Variants in SERPINA9 observed in about 807,000 individuals in gnomAD.
The protein encoded by SERPINA9 is serpin A9.
In SERPINA9, 32 loss-of-function variants were observed where a neutral mutation model predicts 24.5. The observed-to-expected ratio is 1.30, with a 90% CI of 0.98 to 1.75. The LOEUF (loss-of-function observed/expected upper bound fraction) is 1.75, where lower values mean the gene tolerates loss of function less well. Among genes scored for constraint, SERPINA9 ranks in the 40% most tolerant of loss-of-function variants. SERPINA9 has a pLI of 0.00. For missense variants in SERPINA9, 594 were observed against 497.1 expected (o/e 1.19, Z -1.85); for synonymous variants, 233 against 197.7 (o/e 1.18, Z -1.50).
intron 1 of SERPINA9, 49 bp downstream of exon 1, chr14:94,476,087 G>A (rs527992541): frequency 1.9e-6 from 3 of 1,613,492 alleles, no homozygotes; most frequent in Non-Finnish European, 2.5e-6. Flanking sequence ...CTTCCCTCTG[G>A]CTCAGTGACA....
In SERPINA9 at chr14:94,464,856, T is replaced by C. The variant is rs562166637; in HGVS notation, c.903-2A>G. The C allele has an allele frequency of 8.1e-6, 13 of 1,609,486 alleles. No individual in the cohort carries two copies. The African/African-American group carries it at 1.6e-4, about 20-fold the overall frequency. ...CTGGGGATGAACACCTCTATCCACC[T>C]GTGGAGTAGGGAAAAGGAAACAATG... On this transcript the variant is annotated splice_acceptor_variant, in intron 3 of 4. Transcript: ENST00000674397. LOFTEE classifies it high-confidence loss of function.
chr14:94,470,247 C>T (rs1899247218), intron 1 of SERPINA9: 1 of 997,752 alleles, frequency 1.0e-6, no homozygotes. Flanking sequence ...AGTGGTTTCT[C>T]ACCCTTTGGA....
At chr14:94,468,468 T>G (rs921006032) in intron 2 of SERPINA9, among the ~76,000 whole-genome samples, 1 of 152,162 alleles carries the variant, frequency 6.6e-6, no homozygotes, top group Admixed American at 6.5e-5. Context: ...GCCAGGCACT[T>G]CTATCTCAAG....
intron 4 of SERPINA9, chr14:94,464,371 G>A (rs1212595998): frequency 2.6e-6 from 1 of 381,390 alleles, no homozygotes; most frequent in Non-Finnish European, 4.7e-6. Flanking sequence ...ATGACCTATG[G>A]GCAGCCACAC....
chr14:94,473,519 CAAA>C (rs60938632), intron 1 of SERPINA9, among the ~76,000 whole-genome samples: 2,437 of 82,798 alleles, frequency 0.029, 80 homozygotes, highest in African/African-American at 0.099. Flanking sequence ...AACTCTGTCT[CAAA>C]AAAAAAAAAA....
At chr14:94,474,390 T>C (rs1302674060) in intron 1 of SERPINA9, among the ~76,000 whole-genome samples, 1 of 152,120 alleles carries the variant, frequency 6.6e-6, no homozygotes, top group Non-Finnish European at 1.5e-5. Context: ...ATGTCCTGAG[T>C]CATCGATGGT....
chr14:94,469,936 G>T, intron 1 of SERPINA9, 79 bp from the exon 2 acceptor site: 1 of 1,167,474 alleles, frequency 8.6e-7, no homozygotes, highest in Non-Finnish European at 1.2e-6. Flanking sequence ...ACACCCCCAC[G>T]CCATCAGCAG....
intron 1 of SERPINA9, among the ~76,000 whole-genome samples, chr14:94,471,222 A>G (rs1361812518): frequency 6.6e-6 from 1 of 152,064 alleles, no homozygotes; most frequent in Non-Finnish European, 1.5e-5. Flanking sequence ...CTCTTCTCCT[A>G]GGAGCACCGG....
chr14:94,464,297 CTCTCT>C (rs776540774), intron 4 of SERPINA9: 3 of 217,264 alleles, frequency 1.4e-5, no homozygotes, highest in Middle Eastern at 1.5e-3. Flanking sequence ...CTCTCTCTCT[CTCTCT>C]CTCTCTCTCT....
chr14:94,463,028 A>T lies in SERPINA9; in HGVS notation c.*65T>A. 1 of 1,362,038 alleles carries T rather than the reference A, an allele frequency of 7.3e-7. No individual in the cohort carries two copies. The highest frequency in any genetic ancestry group is 1.1e-6 in the Non-Finnish European group (1 of 951,156). 84.4% of individuals were successfully genotyped at this position (1,362,038 alleles called of 1,614,324 possible). ...TCAAATGCACCCTCAGAACAGAAAG[A>T]GGGATGTGGTTTGTTATTTCTTGTG... On this transcript the variant is annotated 3_prime_UTR_variant, in exon 5 of 5. Transcript: ENST00000674397.
At chr14:94,466,021 A>G (rs1898988267) in intron 3 of SERPINA9, among the ~76,000 whole-genome samples, 1 of 152,106 alleles carries the variant, frequency 6.6e-6, no homozygotes, top group South Asian at 2.1e-4. Flanking sequence ...TGCCAGGGAC[A>G]GCTCTCTTTT....
At chr14:94,471,101 C>T (rs141545663) in intron 1 of SERPINA9, among the ~76,000 whole-genome samples, 1 of 137,228 alleles carries the variant, frequency 7.3e-6, no homozygotes, top group Non-Finnish European at 1.6e-5. Flanking sequence ...ACCTGGATGT[C>T]CTTCCCCCCA....
Position 94,469,772 on chromosome 14 carries a change from C to A in SERPINA9, c.69G>T (p.Pro23=). ...GLCAPIYCVS[P]ANAPSAYPRP... is the part of the protein sequence containing the mutation. ...GGGGGTATGCACTGGGGGCATTGGC[C>A]GGGGACACACAGTAGATTGGAGCAC... is the stretch of plus-strand genomic sequence containing the variant. Residue 23 remains proline (P), a synonymous_variant, in exon 2 of 5, where the codon CCG becomes CCT. Transcript: ENST00000674397. 6.5e-7 allele frequency: 1 copy of A among 1,549,228 alleles called. No individual in the cohort carries two copies. The highest frequency in any genetic ancestry group is 8.7e-7 in the Non-Finnish European group (1 of 1,146,968).
At chr14:94,468,724 T>A (rs1216585216) in intron 2 of SERPINA9, among the ~76,000 whole-genome samples, 1 of 152,200 alleles carries the variant, frequency 6.6e-6, no homozygotes, top group Non-Finnish European at 1.5e-5. Flanking sequence ...CTATATGCAG[T>A]TATATATGAA....
chr14:94,463,947 C>T (rs963992008), intron 4 of SERPINA9, among the ~76,000 whole-genome samples: 2 of 152,132 alleles, frequency 1.3e-5, no homozygotes, highest in East Asian at 1.9e-4. Flanking sequence ...GACAAAGGTC[C>T]CCTTCAGTGG....
intron 1 of SERPINA9, among the ~76,000 whole-genome samples, chr14:94,475,342 C>T (rs760460539): frequency 6.6e-6 from 1 of 152,254 alleles, no homozygotes; most frequent in Admixed American, 6.5e-5. Flanking sequence ...TTTCCATGTC[C>T]TTAACCTTTT....
At chr14:94,471,609 A>G (rs78722741) in intron 1 of SERPINA9, among the ~76,000 whole-genome samples, 15,420 of 151,992 alleles carry the variant, frequency 0.1, 930 homozygotes, top group Middle Eastern at 0.2. Context: ...GTAGTTTTGT[A>G]TTTGCCTGTT....
chr14:94,464,892 C>A (rs1898927740), intron 3 of SERPINA9, 38 bp from the exon 4 acceptor site: 1 of 1,570,684 alleles, frequency 6.4e-7, no homozygotes, highest in East Asian at 2.3e-5. Flanking sequence ...AGGTCACAAG[C>A]CCATGGTGTC....
At position 94,470,865 on chromosome 14, in the gene SERPINA9, C is replaced by T. The variant is rs185646488; in HGVS notation, c.-17-1008G>A. ...CTGTTCAGTTTCATCAGAAAGATTT[C>T]ATTTCCTTTAACACAACTTTACAGA... is the stretch of plus-strand genomic sequence containing the variant. On this transcript the variant is annotated intron_variant, in intron 1 of 4. Coordinates refer to ENST00000674397, the MANE Select transcript of SERPINA9 (RefSeq NM_175739.4). Among the ~76,000 whole-genome samples the T allele has an allele frequency of 2.1e-3, 322 of 152,302 alleles. 2 individuals carry two copies. The highest frequency in any genetic ancestry group is 7.5e-3 in the African/African-American group (310 of 41,562).
Sources: gnomAD v4.1 joint callset for allele counts (sites outside exome capture counted in the v4.1 genomes callset) on GRCh38, gnomAD v4.1.1 for gene constraint, MANE v1.5 for transcripts, NCBI Gene and HGNC (gene_info 2026-07-23, HGNC 2026-07-21) for gene names.